The following TRPM3 variants were observed in gnomAD, a reference collection of about 807,000 sequenced individuals.
The protein encoded by TRPM3 is transient receptor potential cation channel subfamily M member 3.
Under a neutral mutation model 181.2 loss-of-function variants are expected in TRPM3, and 77 were observed. The ratio of observed to expected loss-of-function variants is 0.42; its 90% CI spans 0.35 to 0.51. The LOEUF (loss-of-function observed/expected upper bound fraction) is 0.51, where lower values mean the gene tolerates loss of function less well. Ranked by LOEUF, TRPM3 falls within the 20% of genes least tolerant of loss-of-function variation. The pLI, the probability that TRPM3 is intolerant of heterozygous loss-of-function variation, is 0.01. For missense variants in TRPM3, 1,759 were observed against 2,196.7 expected (o/e 0.80, Z 3.98); for synonymous variants, 745 against 796.4 (o/e 0.94, Z 1.09).
chr9:70,561,566 G>A (rs1403622384), intron 22 of TRPM3, among the ~76,000 whole-genome samples: 1 of 152,192 alleles, frequency 6.6e-6, no homozygotes, highest in East Asian at 1.9e-4. Flanking sequence ...AACCAGGCAA[G>A]CCCAACTTTC....
chr9:70,828,269 G>A (rs1010385507), intron 5 of TRPM3, among the ~76,000 whole-genome samples: 3 of 152,160 alleles, frequency 2.0e-5, no homozygotes, highest in South Asian at 4.1e-4. Context: ...TAGAGATGGT[G>A]CTCTCATTGT....
chr9:70,864,178 C>T (rs745322974), intron 2 of TRPM3, among the ~76,000 whole-genome samples: 3 of 151,984 alleles, frequency 2.0e-5, no homozygotes, highest in Non-Finnish European at 4.4e-5. Context: ...ACATAATCCA[C>T]TGTTATATAC....
intron 1 of TRPM3, among the ~76,000 whole-genome samples, chr9:71,032,113 T>G (rs2057561469): frequency 9.5e-6 from 1 of 105,644 alleles, no homozygotes; most frequent in Non-Finnish European, 1.9e-5. Flanking sequence ...ATATATATTA[T>G]ATTATATATA....
At chr9:71,388,998 T>C (rs769785032) in intron 1 of TRPM3, among the ~76,000 whole-genome samples, 125 of 151,986 alleles carry the variant, frequency 8.2e-4, no homozygotes, top group Non-Finnish European at 1.4e-3. Context: ...AAATGTTACA[T>C]GATAAAAAGA....
chr9:71,328,706 A>G (rs567128064), intron 1 of TRPM3, among the ~76,000 whole-genome samples: 4 of 152,348 alleles, frequency 2.6e-5, no homozygotes, highest in Admixed American at 2.6e-4. Flanking sequence ...TACCTGTAAC[A>G]AAACAATCGC....
chr9:70,742,458 T>C (rs1771661530), intron 8 of TRPM3, among the ~76,000 whole-genome samples: 1 of 142,242 alleles, frequency 7.0e-6, no homozygotes, highest in Non-Finnish European at 1.6e-5. Context: ...ATGTCCTCCT[T>C]CTAGCTGTTT....
In TRPM3 at chr9:71,191,398, TCC is replaced by T. The variant is rs372186143; in HGVS notation, c.183+255253_183+255254del. On this transcript the variant is annotated intron_variant, in intron 1 of 24. Transcript: ENST00000357533. ...AAGTTCACTTTCTTCCACAATGCTT[TCC>T]ACAGCTAACCTCTCCAGCTCACTTC... Among the ~76,000 whole-genome samples, 916 of 151,974 alleles carry T rather than the reference TCC, an allele frequency of 6.0e-3. 7 individuals are homozygous for T. The highest frequency in any genetic ancestry group is 9.4e-3 in the Non-Finnish European group (637 of 67,838).
intron 1 of TRPM3, among the ~76,000 whole-genome samples, chr9:71,103,185 G>C (rs1344046658): frequency 4.6e-5 from 7 of 152,126 alleles, no homozygotes; most frequent in Admixed American, 4.6e-4. Context: ...GAATTGCAGT[G>C]TTTGAAACTG....
At chr9:70,941,669 A>T (rs539662995) in intron 1 of TRPM3, among the ~76,000 whole-genome samples, 1 of 152,190 alleles carries the variant, frequency 6.6e-6, no homozygotes, top group Non-Finnish European at 1.5e-5. Flanking sequence ...TTGTTGATAC[A>T]TAAGTGGAGG....
chr9:70,623,365 CA>C (rs34432876), intron 14 of TRPM3, among the ~76,000 whole-genome samples: 51,745 of 112,774 alleles, frequency 0.46, 9,082 homozygotes, highest in Middle Eastern at 0.56. Context: ...GACTGCGTCT[CA>C]AAAAAAAAAA....
At chr9:70,780,618 C>G (rs1459848117) in intron 7 of TRPM3, among the ~76,000 whole-genome samples, 2 of 151,798 alleles carry the variant, frequency 1.3e-5, no homozygotes, top group Non-Finnish European at 2.9e-5. Flanking sequence ...ACATGTGTGG[C>G]TAGACAATTT....
chr9:70,749,892 A>T (rs1185283305), intron 8 of TRPM3, among the ~76,000 whole-genome samples: 1 of 152,210 alleles, frequency 6.6e-6, no homozygotes, highest in East Asian at 1.9e-4. Context: ...CATTTGACCC[A>T]GATGTAGATT....
chr9:70,926,834 C>T (rs2096725999), intron 1 of TRPM3, among the ~76,000 whole-genome samples: 1 of 152,168 alleles, frequency 6.6e-6, no homozygotes, highest in Admixed American at 6.5e-5. Context: ...TCAAAGGTGT[C>T]AGCAACCTTG....
At chr9:70,993,101 G>A (rs2097504646) in intron 1 of TRPM3, among the ~76,000 whole-genome samples, 1 of 152,164 alleles carries the variant, frequency 6.6e-6, no homozygotes, top group Non-Finnish European at 1.5e-5. Context: ...GCATAGAGGA[G>A]CTGGTACCAT....
chr9:71,101,246 T>C (rs573446851), intron 1 of TRPM3, among the ~76,000 whole-genome samples: 18 of 152,322 alleles, frequency 1.2e-4, no homozygotes, highest in African/African-American at 4.3e-4. Flanking sequence ...ACATGATCTC[T>C]GCTCTTGAGA....
intron 1 of TRPM3, among the ~76,000 whole-genome samples, chr9:70,884,929 C>T (rs1212597042): frequency 6.6e-6 from 1 of 152,162 alleles, no homozygotes. Flanking sequence ...AGATTCTCAA[C>T]TTGTTTATAA....
intron 1 of TRPM3, among the ~76,000 whole-genome samples, chr9:70,886,895 C>T (rs577012073): frequency 3.3e-5 from 5 of 152,130 alleles, no homozygotes; most frequent in Admixed American, 3.3e-4. Context: ...GAACTCCTGA[C>T]CTCAGGTGAT....
At chr9:71,284,382 T>C (rs2085100094) in intron 1 of TRPM3, among the ~76,000 whole-genome samples, 1 of 152,208 alleles carries the variant, frequency 6.6e-6, no homozygotes, top group Non-Finnish European at 1.5e-5. Flanking sequence ...AAGCTCAATC[T>C]AAGTTTTTCT....
intron 1 of TRPM3, among the ~76,000 whole-genome samples, chr9:71,160,026 C>T (rs1447154454): frequency 6.6e-6 from 1 of 152,068 alleles, no homozygotes; most frequent in East Asian, 1.9e-4. Flanking sequence ...TCCCTACAAC[C>T]CCACTACACA....
Sources: allele counts gnomAD v4.1 joint callset (sites outside exome capture counted in the v4.1 genomes callset), GRCh38; gene constraint gnomAD v4.1.1; transcripts MANE v1.5; gene names NCBI Gene and HGNC (gene_info 2026-07-23, HGNC 2026-07-21).